The following DYNC2I1 variants were observed in gnomAD, a reference collection of about 807,000 sequenced individuals.
DYNC2I1 encodes the protein dynein 2 intermediate chain 1.
A neutral mutation model predicts 133.4 loss-of-function variants in DYNC2I1; 89 were observed. The ratio of observed to expected loss-of-function variants is 0.67; its 90% confidence interval spans 0.56 to 0.80. The LOEUF is 0.80. Ranked by LOEUF, DYNC2I1 falls within the 30% of genes least tolerant of loss-of-function variation. DYNC2I1 has a pLI of 0.00. For missense variants in DYNC2I1, 1,291 were observed against 1,314.5 expected, an observed-to-expected ratio of 0.98 and a Z score of 0.28; for synonymous variants, 504 against 484.3, an observed-to-expected ratio of 1.04 and a Z score of -0.54.
chr7:158,954,083 C>T (rs549733495), intron 4 of DYNC2I1, among the ~76,000 whole-genome samples: 3 of 152,236 alleles, frequency 2.0e-5, no homozygotes, highest in South Asian at 2.1e-4. Context: ...GTAAGTCTCA[C>T]GTGATCTGGT....
At chr7:158,889,794 A>G (rs112351068) in intron 7 of DYNC2I1, among the ~76,000 whole-genome samples, 2,945 of 151,986 alleles carry the variant, frequency 0.019, 95 homozygotes, top group African/African-American at 0.066. Context: ...ATCTGAGGTC[A>G]GGAGTTTGAG....
chr7:158,957,743 C>T (rs985733983), downstream of DYNC2I1, among the ~76,000 whole-genome samples: 4 of 152,138 alleles, frequency 2.6e-5, no homozygotes, highest in Admixed American at 6.5e-5. Context: ...CAAATGCACT[C>T]GGCACTCGTG....
chr7:158,948,734 A>G (rs1851962158), downstream of DYNC2I1, among the ~76,000 whole-genome samples: 1 of 152,152 alleles, frequency 6.6e-6, no homozygotes, highest in South Asian at 2.1e-4. Context: ...ATTATTTACA[A>G]AATTCCATTT....
intron 8 of DYNC2I1, among the ~76,000 whole-genome samples, chr7:158,895,240 A>G (rs1845654193): frequency 6.6e-6 from 1 of 151,936 alleles, no homozygotes; most frequent in Non-Finnish European, 1.5e-5. Context: ...AGTCATCTAG[A>G]TTTGTCCTGT....
chr7:158,889,946 C>T (rs905505902), intron 7 of DYNC2I1, among the ~76,000 whole-genome samples: 1 of 140,286 alleles, frequency 7.1e-6, no homozygotes, highest in Non-Finnish European at 1.5e-5. Flanking sequence ...GTGGAGGTTG[C>T]AGTGAGCCGA....
At position 158,871,280 on chromosome 7, in the gene DYNC2I1, G is replaced by A; in HGVS notation, c.208G>A (p.Val70Met). ...CCAGGATGCCAGGAGCAGAGACAGG[G>A]TGGCCGAAGTCCACACCGCTAAGGA... is the stretch of plus-strand genomic sequence containing the variant. Reference protein sequence around the residue: ...PDQDARSRDRVAEVHTAKESP... With the variant: ...PDQDARSRDRMAEVHTAKESP... The change falls in exon 3 of 25, where the codon GTG becomes ATG. Residue 70 changes from valine (V) to methionine (M), a missense_variant. Val to Met is a conservative substitution (Grantham distance 21). Coordinates refer to ENST00000407559, the MANE Select transcript of DYNC2I1 (RefSeq NM_018051.5). 1 of 1,593,570 alleles carries A rather than the reference G, an allele frequency of 6.3e-7. No homozygotes were observed. The highest frequency in any genetic ancestry group is 1.1e-5 in the South Asian group (1 of 88,484).
At chr7:158,854,367 G>A (rs987693957), upstream of DYNC2I1, among the ~76,000 whole-genome samples, 1 of 151,976 alleles carries the variant, frequency 6.6e-6, no homozygotes, top group African/African-American at 2.4e-5. Context: ...AGCAAGAAGA[G>A]GGTTTGCATC....
In DYNC2I1 at chr7:158,856,753, C is replaced by A. The variant is rs769122373; in HGVS notation, c.15+3C>A. ...GGGAAGCGATGGAGCCCGGGAAGGT[C>A]GGTGCGGCGCTGGGTCTGGGCGAGG... is the stretch of plus-strand genomic sequence containing the variant. On this transcript the variant is annotated splice_donor_region_variant and intron_variant, in intron 1 of 24. Transcript: ENST00000407559. 8.1e-7 allele frequency: 1 copy of A among 1,234,668 alleles called. No individual in the cohort carries two copies. The highest frequency in any genetic ancestry group is 1.0e-6 in the Non-Finnish European group (1 of 986,906). The allele number at this position is 1,234,668 out of a possible 1,614,324, so 76.5% of individuals were successfully genotyped here. A position where few individuals can be genotyped will look rare whatever the true frequency, so the allele number is the denominator to read the frequency against.
the DYNC2I1 span, among the ~76,000 whole-genome samples, chr7:158,841,664 G>T: frequency 2.0e-5 from 3 of 152,198 alleles, no homozygotes; most frequent in Non-Finnish European, 4.4e-5. Flanking sequence ...GAGCTATTCA[G>T]AAAATAATTG....
chr7:158,852,458 C>T (rs796188581), upstream of DYNC2I1, among the ~76,000 whole-genome samples: 15 of 151,436 alleles, frequency 9.9e-5, no homozygotes, highest in African/African-American at 3.4e-4. Flanking sequence ...TAGTTCAGAC[C>T]GGCTGGGCAT....
At chr7:158,934,572 G>C in intron 23 of DYNC2I1, 23 bp downstream of exon 23, 7 of 1,548,628 alleles carry the variant, frequency 4.5e-6, no homozygotes, top group Non-Finnish European at 3.5e-6. Context: ...GTTTTTCAGA[G>C]CTCCAATTCT....
chr7:158,919,782 G>C (rs931512338), intron 15 of DYNC2I1, among the ~76,000 whole-genome samples: 2 of 152,220 alleles, frequency 1.3e-5, no homozygotes, highest in African/African-American at 4.8e-5. Context: ...GTCTTTTCCT[G>C]TTAGAAAAAT....
intron 1 of DYNC2I1, among the ~76,000 whole-genome samples, chr7:158,861,108 G>C (rs1166346340): frequency 1.3e-5 from 2 of 152,248 alleles, no homozygotes; most frequent in Admixed American, 1.3e-4. Flanking sequence ...ATAATTTACT[G>C]TTTGTTTTAG....
intron 13 of DYNC2I1, 52 bp from the exon 14 acceptor site, chr7:158,914,181 A>G: frequency 2.0e-6 from 3 of 1,463,796 alleles, no homozygotes; most frequent in Non-Finnish European, 2.8e-6. Context: ...TGTGTAATGC[A>G]TGATTATTTT....
downstream of DYNC2I1, among the ~76,000 whole-genome samples, chr7:158,948,632 G>A (rs1273605245): frequency 6.6e-6 from 1 of 152,130 alleles, no homozygotes; most frequent in African/African-American, 2.4e-5. Context: ...GCAGGGCAGA[G>A]TCATATCGGA....
In DYNC2I1 at chr7:158,869,922, A is replaced by G; in HGVS notation, c.69+14A>G. ...AAACATCTCTGGGTAATTATTGTAA[A>G]GATTTGGATTGGGATCTGTGCAGGA... is the stretch of plus-strand genomic sequence containing the variant. On this transcript the variant is annotated intron_variant, in intron 2 of 24. Transcript: ENST00000407559. 6.2e-7 allele frequency: 1 copy of G among 1,612,444 alleles called. No homozygotes were observed.
At chr7:158,883,605 T>A (rs1263311084) in intron 5 of DYNC2I1, among the ~76,000 whole-genome samples, 4 of 147,000 alleles carry the variant, frequency 2.7e-5, no homozygotes, top group African/African-American at 1.0e-4. Context: ...AGATAGAGTA[T>A]GAGTAAGTAC....
chr7:158,864,054 G>A (rs1245361880), intron 1 of DYNC2I1, among the ~76,000 whole-genome samples: 2 of 143,448 alleles, frequency 1.4e-5, no homozygotes, highest in African/African-American at 2.6e-5. Flanking sequence ...GTGGGGAGCG[G>A]GAAGTCCTTA....
the DYNC2I1 span, among the ~76,000 whole-genome samples, chr7:158,843,256 G>A: frequency 9.9e-5 from 15 of 151,592 alleles, no homozygotes; most frequent in African/African-American, 1.9e-4. Context: ...CACCATGCCC[G>A]GCCAGTTTTT....
Sources: gnomAD v4.1 joint callset for allele counts (sites outside exome capture counted in the v4.1 genomes callset) on GRCh38, gnomAD v4.1.1 for gene constraint, MANE v1.5 for transcripts, NCBI Gene and HGNC (gene_info 2026-07-23, HGNC 2026-07-21) for gene names.